RUNX2: variants seen among roughly 807,000 people sequenced by gnomAD.
The protein encoded by RUNX2 is runt-related transcription factor 2.
A neutral mutation model predicts 51.7 loss-of-function variants in RUNX2; 10 were observed. The observed-to-expected ratio is 0.19, with a 90% CI of 0.12 to 0.33. The LOEUF is 0.33. Among genes scored for constraint, RUNX2 ranks in the 10% least tolerant of loss-of-function variants. The probability of loss-of-function intolerance (pLI) is 1.00; values close to 1 mark genes in which losing one functional copy is unlikely to be tolerated. For missense variants in RUNX2, 562 were observed against 691.3 expected (o/e 0.81, Z 2.10); for synonymous variants, 276 against 273.6 (o/e 1.01, Z -0.09).
intron 7 of RUNX2, among the ~76,000 whole-genome samples, chr6:45,540,054 A>G (rs1802169113): frequency 6.6e-6 from 1 of 152,174 alleles, no homozygotes. Flanking sequence ...AGAGAAAACC[A>G]TGGGTGCTGG....
chr6:45,356,640 A>T (rs1307945837), intron 2 of RUNX2, among the ~76,000 whole-genome samples: 2 of 152,044 alleles, frequency 1.3e-5, no homozygotes, highest in Non-Finnish European at 2.9e-5. Context: ...ACTGACCTCA[A>T]GTGATCTGCC....
chr6:45,549,570 C>T lies in RUNX2; in HGVS notation c.*2265C>T, dbSNP rs1186674114. 5.1e-6 allele frequency: 2 copies of T among 393,858 alleles called. No individual in the cohort carries two copies. Among genetic ancestry groups the T allele is most frequent in the African/African-American group, 4.1e-5 (2 of 48,532 alleles). 24.4% of individuals were successfully genotyped at this position (393,858 alleles called of 1,614,324 possible). On this transcript the variant is annotated 3_prime_UTR_variant, in exon 9 of 9. Transcript: ENST00000647337. ...TGTTTGTGTGTGGTAGCTTGAAGCA[C>T]ACCACTGTCCATTTATTTGTAAGTG...
intron 7 of RUNX2, among the ~76,000 whole-genome samples, chr6:45,529,570 G>C (rs1005886842): frequency 1.3e-5 from 2 of 151,942 alleles, no homozygotes; most frequent in Non-Finnish European, 2.9e-5. Flanking sequence ...TGAGGGAAAC[G>C]GGAAGAACAA....
At chr6:45,534,921 G>C (rs531373234) in intron 7 of RUNX2, among the ~76,000 whole-genome samples, 1 of 152,304 alleles carries the variant, frequency 6.6e-6, no homozygotes, top group East Asian at 1.9e-4. Context: ...CCATAAAAAA[G>C]AAAGATCATG....
chr6:45,347,721 CTTTA>C (rs1044487463), intron 2 of RUNX2, among the ~76,000 whole-genome samples: 1 of 151,348 alleles, frequency 6.6e-6, no homozygotes, highest in African/African-American at 2.4e-5. Flanking sequence ...AATCCAAATA[CTTTA>C]TTTTTCTACA....
chr6:45,445,961 G>A (rs1475098202), intron 5 of RUNX2, among the ~76,000 whole-genome samples: 3 of 152,066 alleles, frequency 2.0e-5, no homozygotes, highest in Non-Finnish European at 4.4e-5. Flanking sequence ...TGGGAAGATA[G>A]CCAAGAAGGA....
chr6:45,336,286 T>G (rs866242585), intron 2 of RUNX2, among the ~76,000 whole-genome samples: 32 of 151,444 alleles, frequency 2.1e-4, no homozygotes, highest in African/African-American at 5.3e-4. Flanking sequence ...TTCTTGATTA[T>G]GTAGTAAAGA....
chr6:45,364,236 A>G (rs1007857122), intron 2 of RUNX2, among the ~76,000 whole-genome samples: 9 of 152,182 alleles, frequency 5.9e-5, no homozygotes, highest in African/African-American at 2.2e-4. Flanking sequence ...AAGGCCAAAA[A>G]GTTTGAGAGC....
rs779111059 is a variant in RUNX2 at position 45,408,693 on chromosome 6, C to T, written c.59-13900C>T. ...AAGGACTGCAGTATTTGAGTTCATACATCTTGTCTCTTCCTCCTGTGTATC... is the reference window on the plus strand; with the variant it reads ...AAGGACTGCAGTATTTGAGTTCATATATCTTGTCTCTTCCTCCTGTGTATC... On this transcript the variant is annotated intron_variant, in intron 2 of 8. Transcript: ENST00000647337. 1.2e-4 allele frequency among the ~76,000 whole-genome samples: 19 copies of T among 152,110 alleles called. No homozygotes were observed. In the East Asian group the frequency reaches 3.3e-3, roughly 26 times the overall value.
intron 6 of RUNX2, among the ~76,000 whole-genome samples, chr6:45,494,764 A>G (rs999902025): frequency 6.6e-6 from 1 of 152,194 alleles, no homozygotes; most frequent in Non-Finnish European, 1.5e-5. Context: ...AATGAATTGA[A>G]TAGGTTCAAT....
In RUNX2 at chr6:45,378,583, T is replaced by A. The variant is rs574533356; in HGVS notation, c.59-44010T>A. Among the ~76,000 whole-genome samples the A allele has an allele frequency of 1.7e-4, 26 of 152,234 alleles. No individual in the cohort carries two copies. The South Asian group carries it at 4.8e-3, about 28-fold the overall frequency. On this transcript the variant is annotated intron_variant, in intron 2 of 8. Coordinates refer to ENST00000647337, the MANE Select transcript of RUNX2 (RefSeq NM_001024630.4). ...TGTTTCATTAATCTGCTATTAATGT[T>A]TTTTCCCCAACTCATGTTACTAGAC...
At chr6:45,412,110 G>A (rs1797962789) in intron 2 of RUNX2, among the ~76,000 whole-genome samples, 1 of 151,622 alleles carries the variant, frequency 6.6e-6, no homozygotes, top group African/African-American at 2.4e-5. Flanking sequence ...CACTTTGAGA[G>A]GCCAAGGCCA....
intron 7 of RUNX2, among the ~76,000 whole-genome samples, chr6:45,534,591 G>A (rs1801974301): frequency 6.6e-6 from 1 of 152,186 alleles, no homozygotes; most frequent in East Asian, 1.9e-4. Flanking sequence ...ACTGAGGAGA[G>A]CAAGAGACGC....
intron 2 of RUNX2, among the ~76,000 whole-genome samples, chr6:45,418,080 T>A (rs1323382969): frequency 6.6e-6 from 1 of 152,234 alleles, no homozygotes; most frequent in Non-Finnish European, 1.5e-5. Context: ...ATCATCAATG[T>A]GCCCATAATT....
chr6:45,508,262 C>G lies in RUNX2; in HGVS notation c.860-3984C>G, dbSNP rs530602811. 4.9e-4 allele frequency among the ~76,000 whole-genome samples: 41 copies of G among 83,674 alleles called. 1 individual carries two copies. Among genetic ancestry groups the G allele is most frequent in the African/African-American group, 1.7e-3 (38 of 22,372 alleles). The allele number at this position is 83,674 out of a possible 152,430, so 54.9% of individuals were successfully genotyped here. A position where few individuals can be genotyped will look rare whatever the true frequency, so the allele number is the denominator to read the frequency against. ...TTTTTTTTTGAGATGCAGTTTTGCT[C>G]TTGTTGCCCGGGCTGGAGTGCAATG... On this transcript the variant is annotated intron_variant, in intron 6 of 8. Coordinates refer to ENST00000647337, the MANE Select transcript of RUNX2 (RefSeq NM_001024630.4).
chr6:45,461,520 C>T (rs1357643395), intron 5 of RUNX2, among the ~76,000 whole-genome samples: 1 of 152,170 alleles, frequency 6.6e-6, no homozygotes, highest in Non-Finnish European at 1.5e-5. Flanking sequence ...TCAGTATCAA[C>T]ATCATGGAGA....
rs1240120632 is a variant in RUNX2 at position 45,422,965 on chromosome 6, GC to G, written c.423+9del. ...CTGCCCGTGGCCTTCAAGGTAAGAG[GC>G]TACACCGCCCCCCGCCCCCGGCCGG... On this transcript the variant is annotated intron_variant, in intron 3 of 8. Transcript: ENST00000647337. 3 of 1,608,758 alleles carry G rather than the reference GC, an allele frequency of 1.9e-6. No homozygotes were observed. Among genetic ancestry groups the G allele is most frequent in the East Asian group, 2.2e-5 (1 of 44,720 alleles).
chr6:45,493,742 G>C (rs1800557017), intron 6 of RUNX2, among the ~76,000 whole-genome samples: 1 of 151,692 alleles, frequency 6.6e-6, no homozygotes, highest in African/African-American at 2.4e-5. Flanking sequence ...GTGTGTGTGT[G>C]TGTGTGTGTG....
intron 5 of RUNX2, among the ~76,000 whole-genome samples, chr6:45,476,348 C>A (rs1373106451): frequency 1.3e-5 from 2 of 150,278 alleles, no homozygotes; most frequent in Non-Finnish European, 3.0e-5. Flanking sequence ...GGAGGAAGGA[C>A]CTTGCTCAGA....
Sources: allele counts gnomAD v4.1 joint callset (sites outside exome capture counted in the v4.1 genomes callset), GRCh38; gene constraint gnomAD v4.1.1; transcripts MANE v1.5; gene names NCBI Gene and HGNC (gene_info 2026-07-23, HGNC 2026-07-21).